Variants in KDM6A observed in about 807,000 individuals in gnomAD.
KDM6A encodes lysine demethylase 6A.
A neutral mutation model predicts 117.6 loss-of-function variants in KDM6A; 11 were observed. That is an observed-to-expected ratio of 0.09 (90% CI 0.06 to 0.15). KDM6A has a LOEUF of 0.15. Ranked by LOEUF, KDM6A falls within the 10% of genes least tolerant of loss-of-function variation. The pLI, the probability that KDM6A is intolerant of heterozygous loss-of-function variation, is 1.00. For synonymous variants in KDM6A, 384 were observed against 396.1 expected (o/e 0.97, Z 0.36); for missense variants, 799 against 1,077.3 (o/e 0.74, Z 3.62).
chrX:44,987,910 A>G (rs936673916), intron 4 of KDM6A, among the ~76,000 whole-genome samples: 17 of 110,566 alleles, frequency 1.5e-4, no homozygotes, highest in Admixed American at 4.8e-4. Flanking sequence ...CTCGAGGAGT[A>G]TCTTTGTGGT....
Position 45,110,105 on chromosome X carries a change from C to T in KDM6A, c.4188C>T (p.Val1396=), listed in dbSNP as rs2148305011. 1 of 1,210,230 alleles carries T rather than the reference C, an allele frequency of 8.3e-7. No individual in the cohort carries two copies. The highest frequency in any genetic ancestry group is 1.1e-6 in the Non-Finnish European group (1 of 894,310). The change falls in exon 29 of 30, where the codon GTC becomes GTT. Residue 1396 remains valine (V), a synonymous_variant. Coordinates refer to ENST00000611820, the MANE Select transcript of KDM6A (RefSeq NM_001291415.2). ...TGGAGGTTTTTGATCTGCTTTTTGTCACTAATGAGAGTAATTCACGAAAGA... is the reference window on the plus strand; with the variant it reads ...TGGAGGTTTTTGATCTGCTTTTTGTTACTAATGAGAGTAATTCACGAAAGA... ...CEVEVFDLLF[V]TNESNSRKTY...
intron 17 of KDM6A, among the ~76,000 whole-genome samples, chrX:45,064,437 TA>T (rs931931655): frequency 1.8e-5 from 2 of 112,080 alleles, no homozygotes; most frequent in Non-Finnish European, 3.8e-5. Flanking sequence ...GTTGATCCAC[TA>T]AAGTTTTTGA....
intron 10 of KDM6A, among the ~76,000 whole-genome samples, chrX:45,054,758 G>A (rs944023834): frequency 4.5e-5 from 5 of 112,091 alleles, no homozygotes; most frequent in South Asian, 7.4e-4. Flanking sequence ...TTGTGGAATT[G>A]TGGATGGTTT....
chrX:44,900,607 G>T (rs2034274838), intron 2 of KDM6A, among the ~76,000 whole-genome samples: 1 of 112,126 alleles, frequency 8.9e-6, no homozygotes, highest in Non-Finnish European at 1.9e-5. Flanking sequence ...TGTTATTTAA[G>T]AAATGATTTG....
intron 2 of KDM6A, among the ~76,000 whole-genome samples, chrX:44,924,318 G>A (rs1031765427): frequency 9.0e-6 from 1 of 111,682 alleles, no homozygotes; most frequent in Non-Finnish European, 1.9e-5. Context: ...TATTCCGGCC[G>A]CATGCTAGAC....
intron 2 of KDM6A, among the ~76,000 whole-genome samples, chrX:44,886,069 T>C (rs2032837545): frequency 9.0e-6 from 1 of 111,030 alleles, no homozygotes; most frequent in African/African-American, 3.3e-5. Context: ...CTGGTAGTTT[T>C]TTTTTTTAGA....
Position 45,027,336 on chromosome X carries a change from A to AACACACACACAC in KDM6A, c.564+6627_564+6638dup, listed in dbSNP as rs200245833. On this transcript the variant is annotated intron_variant, in intron 6 of 29. Transcript: ENST00000611820. ...CACACACACACGCAACATAGTGTGA[A>AACACACACACAC]ACACACACACACACACACACACACA... Among the ~76,000 whole-genome samples, 948 of 98,130 alleles carry AACACACACACAC rather than the reference A, an allele frequency of 9.7e-3. 14 individuals carry two copies. Among genetic ancestry groups the AACACACACACAC allele is most frequent in the African/African-American group, 0.032 (842 of 26,021 alleles). 85.2% of individuals were successfully genotyped at this position (98,130 alleles called of 115,157 possible). A position where few individuals can be genotyped will look rare whatever the true frequency, so the allele number is the denominator to read the frequency against.
At chrX:44,997,965 G>T (rs772140811) in intron 4 of KDM6A, among the ~76,000 whole-genome samples, 82 of 112,072 alleles carry the variant, frequency 7.3e-4, no homozygotes, top group African/African-American at 2.4e-3. Flanking sequence ...TGAAGTGGTG[G>T]TTATGAGATT....
intron 2 of KDM6A, among the ~76,000 whole-genome samples, chrX:44,955,520 A>G (rs1476895703): frequency 1.8e-5 from 2 of 111,322 alleles, no homozygotes; most frequent in Admixed American, 9.6e-5. Flanking sequence ...TGCAAAATAT[A>G]CATAACATGC....
chrX:44,935,081 TG>T (rs1569456727), intron 2 of KDM6A, among the ~76,000 whole-genome samples: 1 of 111,321 alleles, frequency 9.0e-6, no homozygotes, highest in African/African-American at 3.3e-5. Context: ...AGTACTTACT[TG>T]GCCTTTTCTG....
chrX:44,880,653 G>A (rs1214044962), intron 2 of KDM6A, among the ~76,000 whole-genome samples: 1 of 109,589 alleles, frequency 9.1e-6, no homozygotes, highest in African/African-American at 3.3e-5. Context: ...TTAGCCAGGC[G>A]TGGTGGTGGG....
intron 18 of KDM6A, among the ~76,000 whole-genome samples, chrX:45,073,604 T>G (rs925525110): frequency 5.3e-5 from 6 of 112,307 alleles, no homozygotes; most frequent in Admixed American, 9.4e-5. Flanking sequence ...TGGTTTTGAT[T>G]TGCATTTCTC....
intron 2 of KDM6A, among the ~76,000 whole-genome samples, chrX:44,923,072 C>T (rs1462473729): frequency 9.0e-6 from 1 of 111,468 alleles, no homozygotes; most frequent in Non-Finnish European, 1.9e-5. Context: ...CTGTTTTCTC[C>T]TTTGCATTGT....
intron 8 of KDM6A, among the ~76,000 whole-genome samples, chrX:45,038,593 T>TGG (rs746935636): frequency 0.028 from 2,578 of 91,544 alleles, 134 homozygotes; most frequent in African/African-American, 0.1. Flanking sequence ...ATAACACATT[T>TGG]GGGGGGGGGT....
chrX:44,933,857 C>T (rs749215194), intron 2 of KDM6A, among the ~76,000 whole-genome samples: 46 of 111,909 alleles, frequency 4.1e-4, no homozygotes, highest in African/African-American at 1.4e-3. Flanking sequence ...GGATTACAGG[C>T]GTGAGCCACC....
chrX:44,898,940 T>A (rs375772825), intron 2 of KDM6A, among the ~76,000 whole-genome samples: 1 of 99,556 alleles, frequency 1.0e-5, no homozygotes, highest in African/African-American at 3.9e-5. Flanking sequence ...GTGGTGGTGG[T>A]GGGGGGGTGT....
chrX:44,910,059 G>A (rs781129782), intron 2 of KDM6A, among the ~76,000 whole-genome samples: 20 of 112,279 alleles, frequency 1.8e-4, no homozygotes, highest in Non-Finnish European at 2.8e-4. Context: ...TTAAGAAGAC[G>A]AGGAAATCTT....
chrX:45,089,525 C>CAA (rs766771357), intron 25 of KDM6A, among the ~76,000 whole-genome samples: 1 of 51,077 alleles, frequency 2.0e-5, no homozygotes. Context: ...GACTTTGTCT[C>CAA]AAAAAAAAAA....
chrX:44,916,132 A>G lies in KDM6A; in HGVS notation c.225+42145A>G, dbSNP rs779859174. On this transcript the variant is annotated intron_variant, in intron 2 of 29. Transcript: ENST00000611820. ...GTATGTATAGGAAAAAACATAATATATATAGGGTTCTGTACTATCTAAGGC... is the reference window on the plus strand; with the variant it reads ...GTATGTATAGGAAAAAACATAATATGTATAGGGTTCTGTACTATCTAAGGC... Among the ~76,000 whole-genome samples, 5 of 111,258 alleles carry G rather than the reference A, an allele frequency of 4.5e-5. No homozygotes were observed. The South Asian group carries it at 1.9e-3, about 42-fold the overall frequency.
Sources: gnomAD v4.1 joint callset for allele counts (sites outside exome capture counted in the v4.1 genomes callset) on GRCh38, gnomAD v4.1.1 for gene constraint, MANE v1.5 for transcripts, NCBI Gene and HGNC (gene_info 2026-07-23, HGNC 2026-07-21) for gene names.